Variants in KCNMB1 observed in about 807,000 individuals in gnomAD.
KCNMB1 encodes calcium-activated potassium channel subunit beta-1.
KCNMB1 carries 22 observed loss-of-function variants against 21.7 expected under a neutral mutation model. The ratio of observed to expected loss-of-function variants is 1.01; its 90% CI spans 0.72 to 1.45. The LOEUF is 1.45. Ranked by LOEUF, KCNMB1 falls within the 40% of genes most tolerant of loss-of-function variation. The pLI is 0.00. For synonymous variants in KCNMB1, 114 were observed against 107.6 expected, an observed-to-expected ratio of 1.06 and a Z score of -0.37; for missense variants, 243 against 243.4, an observed-to-expected ratio of 1.00 and a Z score of 0.01.
intron 3 of KCNMB1, chr5:170,382,655 CT>C (rs5873227): frequency 0.024 from 3,112 of 129,504 alleles, 37 homozygotes; most frequent in Non-Finnish European, 0.037. Context: ...AAGAGCCTTT[CT>C]TTTTTTTTTT....
chr5:170,378,605 G>A lies in KCNMB1; in HGVS notation c.*99C>T. ...GTGGATTGGACTGGAAGAGTGGGAG[G>A]GCAGGTGGAGAAGGCATTGTGCTGC... On this transcript the variant is annotated 3_prime_UTR_variant, in exon 4 of 4. Coordinates refer to ENST00000274629, the MANE Select transcript of KCNMB1 (RefSeq NM_004137.4). The A allele has an allele frequency of 1.6e-6, 2 of 1,235,072 alleles. No homozygotes were observed. The highest frequency in any genetic ancestry group is 2.3e-6 in the Non-Finnish European group (2 of 882,942). The allele number at this position is 1,235,072 out of a possible 1,614,324, so 76.5% of individuals were successfully genotyped here. A position where few individuals can be genotyped will look rare whatever the true frequency, so the allele number is the denominator to read the frequency against.
intron 2 of KCNMB1, 130 bp downstream of exon 2, chr5:170,385,184 G>C (rs1269636285): frequency 2.0e-6 from 2 of 990,216 alleles, no homozygotes; most frequent in African/African-American, 1.6e-5. Context: ...ACCTAAGAAT[G>C]AGCATCGTCT....
At chr5:170,385,847 C>A (rs911714089) in intron 1 of KCNMB1, among the ~76,000 whole-genome samples, 1 of 152,028 alleles carries the variant, frequency 6.6e-6, no homozygotes, top group South Asian at 2.1e-4. Flanking sequence ...AGGCCAGGTG[C>A]GGTGGCTCAT....
At chr5:170,388,467 C>G (rs547566040) in intron 1 of KCNMB1, among the ~76,000 whole-genome samples, 3 of 152,316 alleles carry the variant, frequency 2.0e-5, no homozygotes, top group African/African-American at 7.2e-5. Context: ...AGAAGAACTT[C>G]CCAGTTTTGA....
At position 170,385,833 on chromosome 5, in the gene KCNMB1, T is replaced by C. The variant is rs559138452; in HGVS notation, c.-24-362A>G. On this transcript the variant is annotated intron_variant, in intron 1 of 3. Transcript: ENST00000274629. ...GCAGAAATGATTAAGATAAAGGCTC[T>C]TGAAGGCCAGGTGCGGTGGCTCATG... is the stretch of plus-strand genomic sequence containing the variant. Among the ~76,000 whole-genome samples the C allele has an allele frequency of 1.1e-4, 16 of 152,116 alleles. No homozygotes were observed. The South Asian group carries it at 3.1e-3, about 30-fold the overall frequency.
chr5:170,380,811 C>T (rs75925025), intron 3 of KCNMB1, among the ~76,000 whole-genome samples: 24,719 of 152,154 alleles, frequency 0.16, 2,333 homozygotes, highest in South Asian at 0.28. Flanking sequence ...GTCAGACAGG[C>T]CTGAGTTCTG....
At chr5:170,381,867 G>C (rs940412904) in intron 3 of KCNMB1, among the ~76,000 whole-genome samples, 1 of 152,226 alleles carries the variant, frequency 6.6e-6, no homozygotes, top group African/African-American at 2.4e-5. Flanking sequence ...CAGAGGCAGG[G>C]GTCATGGGTA....
At position 170,378,932 on chromosome 5, in the gene KCNMB1, G is replaced by A. The variant is rs1484653727; in HGVS notation, c.348C>T (p.Ala116=). ...IPGSVDNYQT[A]RADVEKVRAK... ...CTCTGACCTTCTCCACGTCGGCCCG[G>A]GCCGTCTGGTAATTGTCCACGCTGC... Residue 116 remains alanine, a synonymous_variant, in exon 4 of 4, where the codon GCC becomes GCT. Coordinates refer to ENST00000274629, the MANE Select transcript of KCNMB1 (RefSeq NM_004137.4). 11 of 1,614,034 alleles carry A rather than the reference G, an allele frequency of 6.8e-6. No individual in the cohort carries two copies. The highest frequency in any genetic ancestry group is 8.5e-6 in the Non-Finnish European group (10 of 1,179,984).
intron 3 of KCNMB1, among the ~76,000 whole-genome samples, chr5:170,379,544 G>A (rs1764151199): frequency 6.6e-6 from 1 of 152,148 alleles, no homozygotes; most frequent in East Asian, 1.9e-4. Context: ...GCCAGGGTGT[G>A]GCAGGGCCTG....
Position 170,383,682 on chromosome 5 carries a change from C to A in KCNMB1, c.303G>T (p.Gln101His), listed in dbSNP as rs770320834. 1.2e-6 allele frequency: 2 copies of A among 1,614,164 alleles called. No individual in the cohort carries two copies. The highest frequency in any genetic ancestry group is 2.2e-5 in the East Asian group (1 of 44,882). Reference sequence around the variant, plus strand: ...CCCCATCCCTCCAGTTCAGTACCTGCTGGTTCTGGTCCCGAGTGTCCTCCG... The same window carrying A: ...CCCCATCCCTCCAGTTCAGTACCTGATGGTTCTGGTCCCGAGTGTCCTCCG... ...YHTEDTRDQN[Q>H]QCSYIPGSVD... is the part of the protein sequence containing the mutation. The change falls in exon 3 of 4, where the codon CAG (glutamine) becomes CAT (histidine). Residue 101 changes from glutamine (Q) to histidine (H), a missense_variant. Transcript: ENST00000274629.
At chr5:170,388,186 A>G (rs896487489) in intron 1 of KCNMB1, among the ~76,000 whole-genome samples, 1 of 152,230 alleles carries the variant, frequency 6.6e-6, no homozygotes, top group Non-Finnish European at 1.5e-5. Flanking sequence ...AGAAGTCTGG[A>G]AACTTGGCTT....
At chr5:170,379,041 G>C in intron 3 of KCNMB1, 68 bp from the exon 4 acceptor site, 2 of 1,550,196 alleles carry the variant, frequency 1.3e-6, no homozygotes, top group Non-Finnish European at 8.7e-7. Context: ...GCTTGATATG[G>C]AGTAAAGAAA....
rs780940473 is a variant in KCNMB1 at position 170,385,354 on chromosome 5, A to G, written c.94T>C (p.Tyr32His). Reference protein sequence around the residue: ...TMVVCAVITYYILVTTVLPLY... With the variant: ...TMVVCAVITYHILVTTVLPLY... The stretch of plus-strand genomic sequence containing the variant: ...GGCAGCACAGTCGTGACCAGGATGT[A>G]GTAGGTGATGACGGCACACACCACC... Residue 32 changes from tyrosine to histidine, a missense_variant, in exon 2 of 4, where the codon TAC becomes CAC. Tyr to His is a moderately conservative substitution (Grantham distance 83, BLOSUM62 2). Coordinates refer to ENST00000274629, the MANE Select transcript of KCNMB1 (RefSeq NM_004137.4). The G allele has an allele frequency of 1.1e-4, 178 of 1,614,158 alleles. No homozygotes were observed. The highest frequency in any genetic ancestry group is 2.3e-4 in the South Asian group (21 of 91,078).
In KCNMB1 at chr5:170,378,580, G is replaced by T; in HGVS notation, c.*124C>A. ...GGTTAGTCCTGCAACAGAAGACAGC[G>T]TGGATTGGACTGGAAGAGTGGGAGG... On this transcript the variant is annotated 3_prime_UTR_variant, in exon 4 of 4. Transcript: ENST00000274629. 2 of 1,008,868 alleles carry T rather than the reference G, an allele frequency of 2.0e-6. No individual in the cohort carries two copies. Among genetic ancestry groups the T allele is most frequent in the Non-Finnish European group, 2.9e-6 (2 of 681,460 alleles). 62.5% of individuals were successfully genotyped at this position (1,008,868 alleles called of 1,614,324 possible). A position where few individuals can be genotyped will look rare whatever the true frequency, so the allele number is the denominator to read the frequency against.
intron 1 of KCNMB1, 89 bp from the exon 2 acceptor site, chr5:170,385,560 C>T: frequency 1.7e-6 from 2 of 1,180,550 alleles, no homozygotes; most frequent in Non-Finnish European, 2.5e-6. Flanking sequence ...GGAAGGTACT[C>T]AACTATTAAT....
At chr5:170,384,976 A>T (rs1402273331) in intron 2 of KCNMB1, among the ~76,000 whole-genome samples, 1 of 152,250 alleles carries the variant, frequency 6.6e-6, no homozygotes, top group East Asian at 1.9e-4. Flanking sequence ...AGCTGTAAAC[A>T]TCTGCAATTC....
chr5:170,381,366 A>G (rs1355683456), intron 3 of KCNMB1, among the ~76,000 whole-genome samples: 1 of 152,238 alleles, frequency 6.6e-6, no homozygotes, highest in African/African-American at 2.4e-5. Flanking sequence ...CACCTGCTCC[A>G]GGCTAAGACT....
chr5:170,380,569 C>A (rs1376926381), intron 3 of KCNMB1, among the ~76,000 whole-genome samples: 3 of 152,210 alleles, frequency 2.0e-5, no homozygotes, highest in African/African-American at 7.2e-5. Flanking sequence ...CTGGGAAATG[C>A]AGATGCTGCA....
intron 1 of KCNMB1, 68 bp from the exon 2 acceptor site, chr5:170,385,539 C>A: frequency 7.0e-7 from 1 of 1,421,904 alleles, no homozygotes; most frequent in Admixed American, 1.7e-5. Flanking sequence ...AAAGAGAGGA[C>A]AGGTGAGAGG....
Sources: allele counts gnomAD v4.1 joint callset (sites outside exome capture counted in the v4.1 genomes callset), GRCh38; gene constraint gnomAD v4.1.1; transcripts MANE v1.5; gene names NCBI Gene and HGNC (gene_info 2026-07-23, HGNC 2026-07-21).